RAI1: variants seen among roughly 807,000 people sequenced by gnomAD.
RAI1 encodes retinoic acid induced 1, also known as retinoic acid-induced protein 1.
RAI1 carries 9 observed loss-of-function variants against 123.8 expected under a neutral mutation model. The observed-to-expected ratio is 0.07, with a 90% CI of 0.04 to 0.13. The LOEUF (loss-of-function observed/expected upper bound fraction) is 0.13, where lower values mean the gene tolerates loss of function less well. Ranked by LOEUF, RAI1 falls within the 10% of genes least tolerant of loss-of-function variation. The pLI, the probability that RAI1 is intolerant of heterozygous loss-of-function variation, is 1.00. For synonymous variants in RAI1, 1,231 were observed against 1,127.3 expected (o/e 1.09, Z -1.84); for missense variants, 2,256 against 2,545.8 (o/e 0.89, Z 2.45).
rs373970474 is a variant in RAI1 at position 17,758,337 on chromosome 17, A to C, written c.-17+34178A>C. On this transcript the variant is annotated intron_variant, in intron 2 of 5. Coordinates refer to ENST00000353383, the MANE Select transcript of RAI1 (RefSeq NM_030665.4). ...AAATGGGTGGCTTACAGCTGAAAGGAGGTCCCAGCTGCTTTTGGTGAGCCC... is the reference window on the plus strand; with the variant it reads ...AAATGGGTGGCTTACAGCTGAAAGGCGGTCCCAGCTGCTTTTGGTGAGCCC... Among the ~76,000 whole-genome samples, 8 of 152,244 alleles carry C rather than the reference A, an allele frequency of 5.3e-5. No individual in the cohort carries two copies. In the East Asian group the frequency reaches 1.4e-3, roughly 26 times the overall value.
rs533081571 is a variant in RAI1 at position 17,757,882 on chromosome 17, A to G, written c.-17+33723A>G. On this transcript the variant is annotated intron_variant, in intron 2 of 5. Coordinates refer to ENST00000353383, the MANE Select transcript of RAI1 (RefSeq NM_030665.4). ...GAACAGGGCAGTGTTGGGCATCTGA[A>G]GTCCCCACGGGTCCTGGCATTCTGG... Among the ~76,000 whole-genome samples the G allele has an allele frequency of 2.0e-5, 3 of 152,300 alleles. No individual in the cohort carries two copies. In the East Asian group the frequency reaches 5.8e-4, roughly 29 times the overall value.
intron 1 of RAI1, among the ~76,000 whole-genome samples, chr17:17,691,532 C>T (rs368942120): frequency 9.9e-5 from 15 of 152,176 alleles, no homozygotes; most frequent in East Asian, 9.6e-4. Context: ...TAAGGGAGGG[C>T]CTTTGGGGAG....
intron 2 of RAI1, among the ~76,000 whole-genome samples, chr17:17,738,332 C>T (rs1032576883): frequency 1.6e-4 from 20 of 123,250 alleles, no homozygotes; most frequent in East Asian, 1.6e-3. Flanking sequence ...GTGAGTGGGG[C>T]GGGCTGGCTG....
Position 17,810,233 on chromosome 17 carries a change from C to T in RAI1, c.*252C>T. The T allele has an allele frequency of 1.8e-6, 1 of 556,614 alleles. No homozygotes were observed. The highest frequency in any genetic ancestry group is 3.2e-5 in the East Asian group (1 of 30,822). The allele number at this position is 556,614 out of a possible 1,614,324, so 34.5% of individuals were successfully genotyped here. A position where few individuals can be genotyped will look rare whatever the true frequency, so the allele number is the denominator to read the frequency against. On this transcript the variant is annotated 3_prime_UTR_variant, in exon 6 of 6. Coordinates refer to ENST00000353383, the MANE Select transcript of RAI1 (RefSeq NM_030665.4). This position sits in a 1 kb window ranked among gnomAD's most constrained non-coding sequence, Gnocchi z 4.6. ...GGACGGCACAGGGCGTTCTTGCCCA[C>T]CCCAGGGGCCAGGCTTGCGGAGGGG...
chr17:17,707,917 A>G (rs2142899540), intron 1 of RAI1, among the ~76,000 whole-genome samples: 1 of 152,278 alleles, frequency 6.6e-6, no homozygotes, highest in East Asian at 1.9e-4. Context: ...ATTCTGAGTG[A>G]GCTGGAGACT....
intron 1 of RAI1, among the ~76,000 whole-genome samples, chr17:17,711,941 T>C (rs1204334867): frequency 2.0e-5 from 3 of 152,208 alleles, no homozygotes; most frequent in Non-Finnish European, 4.4e-5. Context: ...TGTCACGCGG[T>C]GTCCGGCCCT....
intron 4 of RAI1, among the ~76,000 whole-genome samples, chr17:17,805,651 G>C (rs1378866391): frequency 6.6e-6 from 1 of 152,210 alleles, no homozygotes; most frequent in East Asian, 1.9e-4. Context: ...AGGACACAGA[G>C]GACTCTGAGT....
intron 2 of RAI1, among the ~76,000 whole-genome samples, chr17:17,728,527 C>T (rs1324653934): frequency 9.2e-5 from 14 of 152,148 alleles, no homozygotes; most frequent in Admixed American, 9.2e-4. Flanking sequence ...GGAGCCACAG[C>T]CCACGGAGGG....
chr17:17,807,269 G>GAGGGGGGGGGGGGA (rs2032613681), intron 4 of RAI1, among the ~76,000 whole-genome samples: 1 of 105,814 alleles, frequency 9.5e-6, no homozygotes, highest in African/African-American at 3.5e-5. Context: ...GGGGGGGTGG[G>GAGGGGGGGGGGGGA]AGTGAGAGGG....
intron 1 of RAI1, among the ~76,000 whole-genome samples, chr17:17,694,868 C>G (rs1379478541): frequency 6.6e-6 from 1 of 151,836 alleles, no homozygotes; most frequent in Non-Finnish European, 1.5e-5. Flanking sequence ...TGGCGGATCC[C>G]GGGTCTTTTT....
In RAI1 at chr17:17,798,034, T is replaced by A; in HGVS notation, c.5086T>A (p.Phe1696Ile). 6.2e-7 allele frequency: 1 copy of A among 1,614,086 alleles called. No homozygotes were observed. Among genetic ancestry groups the A allele is most frequent in the Non-Finnish European group, 8.5e-7 (1 of 1,180,028 alleles). ...CTGCCTCTGCCAAAACCCGGCCAAC[T>A]TCAAGGACCTTGGGGACCTCTGTGG... ...VCCLCQNPAN[F>I]KDLGDLCGPY... Residue 1696 changes from phenylalanine (F) to isoleucine (I), a missense_variant, in exon 3 of 6, where the codon TTC becomes ATC. By Grantham distance (21) the Phe-to-Ile change is conservative. This residue lies in a region of RAI1 where 243 missense variants were observed against 316.6 expected (regional missense o/e 0.77). Coordinates refer to ENST00000353383, the MANE Select transcript of RAI1 (RefSeq NM_030665.4).
chr17:17,793,365 C>G lies in RAI1; in HGVS notation c.417C>G (p.Ala139=). Residue 139 remains alanine (A), a synonymous_variant, in exon 3 of 6, where the codon GCC becomes GCG. Transcript: ENST00000353383. The stretch of plus-strand genomic sequence containing the variant: ...CGCAGCCACTACCTGCAGGGGTGGC[C>G]AAGTATGATGAGAACTTGATGAAAA... ...PQPQPLPAGV[A]KYDENLMKKT... 1 of 1,613,166 alleles carries G rather than the reference C, an allele frequency of 6.2e-7. No individual in the cohort carries two copies. The highest frequency in any genetic ancestry group is 1.7e-4 in the Middle Eastern group (1 of 6,058).
At chr17:17,698,311 CAA>C (rs1915102488) in intron 1 of RAI1, among the ~76,000 whole-genome samples, 2 of 152,318 alleles carry the variant, frequency 1.3e-5, no homozygotes, top group East Asian at 1.9e-4. Flanking sequence ...TCCTGCCACT[CAA>C]GAGTTGAGTC....
intron 2 of RAI1, among the ~76,000 whole-genome samples, chr17:17,770,251 C>G (rs979755451): frequency 1.3e-5 from 2 of 152,030 alleles, no homozygotes; most frequent in African/African-American, 4.8e-5. Context: ...GGTGGCTGAG[C>G]CTCAAGGACA....
intron 2 of RAI1, among the ~76,000 whole-genome samples, chr17:17,726,860 T>A (rs2142938901): frequency 6.6e-6 from 1 of 152,348 alleles, no homozygotes; most frequent in East Asian, 1.9e-4. Flanking sequence ...GTCGTCATTC[T>A]CTATATTCAG....
chr17:17,780,828 A>T (rs972550494), intron 2 of RAI1, among the ~76,000 whole-genome samples: 1 of 151,920 alleles, frequency 6.6e-6, no homozygotes, highest in Non-Finnish European at 1.5e-5. Flanking sequence ...GAGAACCCCC[A>T]CTCTGTAATG....
chr17:17,756,393 C>T (rs2030439224), intron 2 of RAI1, among the ~76,000 whole-genome samples: 1 of 151,950 alleles, frequency 6.6e-6, no homozygotes, highest in South Asian at 2.1e-4. Context: ...GACAGGGTTT[C>T]TCCATGTTGG....
intron 1 of RAI1, among the ~76,000 whole-genome samples, chr17:17,689,430 A>G (rs1914764952): frequency 1.3e-5 from 2 of 152,200 alleles, no homozygotes; most frequent in South Asian, 4.1e-4. Context: ...TTTTCTGGCC[A>G]GAGTTTCTGT....
intron 4 of RAI1, chr17:17,804,225 C>A: frequency 3.0e-6 from 1 of 333,560 alleles, no homozygotes; most frequent in South Asian, 2.6e-5. Context: ...GTTCACTCAG[C>A]AGAGACAAGG....
Sources: allele counts gnomAD v4.1 joint callset (sites outside exome capture counted in the v4.1 genomes callset), GRCh38; gene constraint gnomAD v4.1.1; regional missense constraint gnomAD v4.1.1; non-coding constraint Gnocchi (gnomAD v3.1); transcripts MANE v1.5; gene names NCBI Gene and HGNC (gene_info 2026-07-23, HGNC 2026-07-21).